GDAP1: variants seen among roughly 807,000 people sequenced by gnomAD.
GDAP1 encodes ganglioside induced differentiation associated protein 1.
Under a neutral mutation model 40.1 loss-of-function variants are expected in GDAP1, and 34 were observed. The ratio of observed to expected loss-of-function variants is 0.85; its 90% CI spans 0.64 to 1.13. The LOEUF is 1.13. Ranked by LOEUF, GDAP1 falls within the 50% of genes most tolerant of loss-of-function variation. GDAP1 has a pLI of 0.00. For synonymous variants in GDAP1, 170 were observed against 157.4 expected, an observed-to-expected ratio of 1.08 and a Z score of -0.60; for missense variants, 374 against 433.7, an observed-to-expected ratio of 0.86 and a Z score of 1.22.
chr8:74,356,692 T>TGTGTGTGTTTG lies in GDAP1; in HGVS notation c.311-3445_311-3444insGTGTGTGTTTG, dbSNP rs1563440290. Among the ~76,000 whole-genome samples the TGTGTGTGTTTG allele has an allele frequency of 4.1e-3, 395 of 95,254 alleles. 1 individual carries two copies. The highest frequency in any genetic ancestry group is 6.0e-3 in the Non-Finnish European group (290 of 48,532). 62.5% of individuals were successfully genotyped at this position (95,254 alleles called of 152,430 possible). ...TGTGTGTGTGTGTGTGTGTGTGTGT[T>TGTGTGTGTTTG]TGTGTGTGTGTATATATATATATAT... On this transcript the variant is annotated intron_variant, in intron 2 of 5. Transcript: ENST00000220822.
rs1809535412 is a variant in GDAP1 at position 74,364,616 on chromosome 8, A to C, written c.*249A>C. The C allele has an allele frequency of 1.6e-6, 1 of 620,532 alleles. No individual in the cohort carries two copies. The highest frequency in any genetic ancestry group is 1.5e-5 in the South Asian group (1 of 65,980). 38.4% of individuals were successfully genotyped at this position (620,532 alleles called of 1,614,324 possible). ...AAGAGAAGGAAAAATGAGAGAATGA[A>C]GTCTGTATAGGGTAGAGCAATAGAA... On this transcript the variant is annotated 3_prime_UTR_variant, in exon 6 of 6. Transcript: ENST00000220822.
chr8:74,461,778 GACCCCCAT>G (rs377485899), intron 2 of GDAP1, among the ~76,000 whole-genome samples: 1,677 of 152,244 alleles, frequency 0.011, 17 homozygotes, highest in Non-Finnish European at 0.017. Context: ...TTTCCTGTTT[GACCCCCAT>G]GGGTCAAACT....
intron 2 of GDAP1, among the ~76,000 whole-genome samples, chr8:74,397,837 G>A (rs563722565): frequency 1.5e-4 from 23 of 151,630 alleles, no homozygotes; most frequent in Non-Finnish European, 2.4e-4. Context: ...TTGGCGATGC[G>A]GGCTCTTTTT....
intron 2 of GDAP1, among the ~76,000 whole-genome samples, chr8:74,354,044 T>C (rs1251932020): frequency 6.6e-6 from 1 of 152,162 alleles, no homozygotes; most frequent in Admixed American, 6.5e-5. Flanking sequence ...ACGTTACATA[T>C]ACCCTTGTGG....
intron 2 of GDAP1, among the ~76,000 whole-genome samples, chr8:74,422,224 CCCTT>C (rs1437201778): frequency 1.0e-4 from 12 of 118,060 alleles, no homozygotes; most frequent in Non-Finnish European, 8.0e-5. Flanking sequence ...TTCTTTCTTT[CCCTT>C]CCTTCCTCCC....
chr8:74,487,118 C>G lies in GDAP1; in HGVS notation c.166-1560C>G, dbSNP rs111920208. Among the ~76,000 whole-genome samples, 742 of 152,238 alleles carry G rather than the reference C, an allele frequency of 4.9e-3. 12 individuals carry two copies. The highest frequency in any genetic ancestry group is 0.017 in the African/African-American group (710 of 41,540). The stretch of plus-strand genomic sequence containing the variant: ...CATTTAAAAGACCATGGCACAGTGC[C>G]TGGCACATGGTAAACCCTTGATTAA... On this transcript the variant is annotated intron_variant, in intron 2 of 2. Transcript: ENST00000523640.
At chr8:74,456,668 G>GGTA (rs1345729258) in intron 2 of GDAP1, among the ~76,000 whole-genome samples, 1 of 151,876 alleles carries the variant, frequency 6.6e-6, no homozygotes, top group Non-Finnish European at 1.5e-5. Context: ...AGTTATAATA[G>GGTA]GTAGTATATG....
intron 2 of GDAP1, among the ~76,000 whole-genome samples, chr8:74,416,488 C>T (rs1213560599): frequency 8.0e-5 from 12 of 150,262 alleles, no homozygotes; most frequent in South Asian, 2.1e-4. Flanking sequence ...CTGCAGCACC[C>T]GGGCTAACCA....
intron 2 of GDAP1, among the ~76,000 whole-genome samples, chr8:74,392,749 G>A (rs1053502490): frequency 6.6e-6 from 1 of 152,078 alleles, no homozygotes; most frequent in African/African-American, 2.4e-5. Flanking sequence ...CCATAGAGAG[G>A]GCAACACAAA....
At chr8:74,427,504 C>T (rs1805962399) in intron 2 of GDAP1, among the ~76,000 whole-genome samples, 1 of 152,134 alleles carries the variant, frequency 6.6e-6, no homozygotes, top group South Asian at 2.1e-4. Context: ...TTTCCTTGGG[C>T]AATCATTTCT....
intron 2 of GDAP1, among the ~76,000 whole-genome samples, chr8:74,431,568 G>A (rs1260905279): frequency 6.6e-6 from 1 of 151,934 alleles, no homozygotes; most frequent in Non-Finnish European, 1.5e-5. Context: ...TGCAAGCTCC[G>A]CCTCCCGGGT....
At chr8:74,459,414 G>T (rs575741270) in intron 2 of GDAP1, among the ~76,000 whole-genome samples, 4 of 152,114 alleles carry the variant, frequency 2.6e-5, no homozygotes, top group African/African-American at 9.7e-5. Flanking sequence ...TTTTAAAAAT[G>T]CAAGTCCCAG....
At chr8:74,423,139 A>T (rs1329321090) in intron 2 of GDAP1, among the ~76,000 whole-genome samples, 1 of 147,316 alleles carries the variant, frequency 6.8e-6, no homozygotes, top group Non-Finnish European at 1.5e-5. Context: ...CATCTATCAA[A>T]TATTTTTTGA....
chr8:74,442,901 T>C (rs180693551), intron 2 of GDAP1, among the ~76,000 whole-genome samples: 5 of 152,234 alleles, frequency 3.3e-5, no homozygotes, highest in African/African-American at 7.2e-5. Flanking sequence ...ATAAAAATTC[T>C]AGGATTTCAT....
chr8:74,374,700 A>G (rs568244232), intron 2 of GDAP1, among the ~76,000 whole-genome samples: 1 of 152,298 alleles, frequency 6.6e-6, no homozygotes, highest in East Asian at 1.9e-4. Context: ...TTAATAAGAA[A>G]ATTAAAAATA....
chr8:74,361,900 A>C lies in GDAP1; in HGVS notation c.501A>C (p.Thr167=). 6.3e-7 allele frequency: 1 copy of C among 1,598,010 alleles called. No homozygotes were observed. The highest frequency in any genetic ancestry group is 8.6e-7 in the Non-Finnish European group (1 of 1,165,142). Reference sequence around the variant, plus strand: ...TATTATCAGGCCAAATTGGAAACACAGAGTCTGAGCTGAAGAAACTTGCTG... The same window carrying C: ...TATTATCAGGCCAAATTGGAAACACCGAGTCTGAGCTGAAGAAACTTGCTG... ...TTRIRSQIGN[T]ESELKKLAEE... The change falls in exon 4 of 6, where the codon ACA becomes ACC. Residue 167 remains threonine, a synonymous_variant. Coordinates refer to ENST00000220822, the MANE Select transcript of GDAP1 (RefSeq NM_018972.4).
chr8:74,472,895 G>A (rs960474993), intron 2 of GDAP1, among the ~76,000 whole-genome samples: 1 of 151,764 alleles, frequency 6.6e-6, no homozygotes, highest in African/African-American at 2.4e-5. Flanking sequence ...CTATAGGTTC[G>A]TGCCACCGCA....
intron 2 of GDAP1, among the ~76,000 whole-genome samples, chr8:74,485,266 T>G (rs1355572974): frequency 2.0e-5 from 3 of 152,196 alleles, no homozygotes; most frequent in Non-Finnish European, 4.4e-5. Context: ...ATTCTGTTTG[T>G]CCTTCAGAAA....
chr8:74,390,387 G>A (rs1184206379), intron 2 of GDAP1, among the ~76,000 whole-genome samples: 1 of 152,088 alleles, frequency 6.6e-6, no homozygotes, highest in Non-Finnish European at 1.5e-5. Context: ...CCTTTTTGTT[G>A]ATGTTGATGC....
Sources: allele counts gnomAD v4.1 joint callset (sites outside exome capture counted in the v4.1 genomes callset), GRCh38; gene constraint gnomAD v4.1.1; transcripts MANE v1.5; gene names NCBI Gene and HGNC (gene_info 2026-07-23, HGNC 2026-07-21).